The following SHOX variants were observed in gnomAD, a reference collection of about 807,000 sequenced individuals.
SHOX encodes short stature homeobox protein.
SHOX carries 12 observed loss-of-function variants against 29.6 expected under a neutral mutation model. That is an observed-to-expected ratio of 0.41 (90% CI 0.26 to 0.66). The LOEUF (loss-of-function observed/expected upper bound fraction) is 0.66, where lower values mean the gene tolerates loss of function less well. SHOX is among the 30% of genes least tolerant of loss of function. The pLI, the probability that SHOX is intolerant of heterozygous loss-of-function variation, is 0.35. For missense variants in SHOX, 499 were observed against 437.7 expected (o/e 1.14, Z -1.25); for synonymous variants, 214 against 200.6 (o/e 1.07, Z -0.57).
upstream of SHOX, among the ~76,000 whole-genome samples, chrX:625,870 GTC>G (rs1216618720): frequency 1.9e-4 from 21 of 110,096 alleles, no homozygotes; most frequent in African/African-American, 6.7e-4. Flanking sequence ...GTCTATCTCT[GTC>G]TCTCTTTCTC....
At chrX:643,677 GC>G (rs1569495084) in intron 4 of SHOX, among the ~76,000 whole-genome samples, 8 of 118,140 alleles carry the variant, frequency 6.8e-5, no homozygotes, top group South Asian at 3.0e-4. Flanking sequence ...TCGGGAGAGA[GC>G]CTTGGGGACC....
chrX:637,974 G>A (rs1172665303), intron 2 of SHOX, among the ~76,000 whole-genome samples: 2 of 152,206 alleles, frequency 1.3e-5, no homozygotes, highest in Non-Finnish European at 2.9e-5. Context: ...ACGGTGAGGG[G>A]CAGGCGGTAA....
chrX:656,925 CAAA>C (rs57866699), intron 5 of SHOX, among the ~76,000 whole-genome samples: 27 of 5,258 alleles, frequency 5.1e-3, no homozygotes, highest in Non-Finnish European at 7.0e-3. Flanking sequence ...GACTCCGTCT[CAAA>C]AAAAAAAAAA....
At chrX:631,301 CG>C (rs1198164202) in intron 1 of SHOX, 127 bp downstream of exon 1, 1 of 1,244,738 alleles carries the variant, frequency 8.0e-7, no homozygotes, top group African/African-American at 1.5e-5. Flanking sequence ...GGGTAAGGCC[CG>C]GGCCGTCAGG....
rs1041655715 is a variant in SHOX, at chrX:650,792, TAAAAAAA to T, written c.*6177_*6183del. On this transcript the variant is annotated 3_prime_UTR_variant, in exon 5 of 5. Coordinates refer to ENST00000686671, the MANE Select transcript of SHOX (RefSeq NM_000451.4). ...GGCTTTCGGTGGACACGTTTGACAT[TAAAAAAA>T]AAAAAAAAAAAAAAAAAAAACTGGT... Among the ~76,000 whole-genome samples the T allele has an allele frequency of 3.1e-4, 16 of 50,826 alleles. No homozygotes were observed. Among genetic ancestry groups the T allele is most frequent in the African/African-American group, 8.1e-4 (12 of 14,758 alleles). The allele number at this position is 50,826 out of a possible 152,430, so 33.3% of individuals were successfully genotyped here.
chrX:643,807 G>C (rs1350917084), intron 4 of SHOX, among the ~76,000 whole-genome samples: 1 of 129,428 alleles, frequency 7.7e-6, no homozygotes, highest in Non-Finnish European at 1.6e-5. Flanking sequence ...CTGGTGTCTC[G>C]GGAGAGAGCC....
intron 2 of SHOX, 132 bp downstream of exon 2, chrX:634,958 G>C: frequency 2.1e-6 from 2 of 946,590 alleles, no homozygotes; most frequent in Non-Finnish European, 3.1e-6. Flanking sequence ...GTTGGGTGAG[G>C]GACGGGCTGG....
chrX:628,227 TTCTCTCTCTCCATCTCCCA>T (rs2052575545), upstream of SHOX, among the ~76,000 whole-genome samples: 23 of 148,096 alleles, frequency 1.6e-4, no homozygotes, highest in South Asian at 4.4e-4. Flanking sequence ...GTGTCGCTCT[TTCTCTCTCTCCATCTCCCA>T]GTCTCTCCCT....
In SHOX at chrX:649,057, C is replaced by T. The variant is rs1461506524; in HGVS notation, c.*4421C>T. On this transcript the variant is annotated 3_prime_UTR_variant, in exon 5 of 5. Coordinates refer to ENST00000686671, the MANE Select transcript of SHOX (RefSeq NM_000451.4). Reference sequence around the variant, plus strand: ...TCTTTTTCTTTCTTCTTTCTTTCTTCGATGAAGTCTCACTCTGTCACCCAG... The same window carrying T: ...TCTTTTTCTTTCTTCTTTCTTTCTTTGATGAAGTCTCACTCTGTCACCCAG... Among the ~76,000 whole-genome samples the T allele has an allele frequency of 2.1e-5, 3 of 145,230 alleles. No homozygotes were observed. Among genetic ancestry groups the T allele is most frequent in the South Asian group, 2.2e-4 (1 of 4,572 alleles).
chrX:651,099 G>C lies in SHOX; in HGVS notation c.*6463G>C. 6.2e-6 allele frequency: 2 copies of C among 320,638 alleles called. No individual in the cohort carries two copies. The highest frequency in any genetic ancestry group is 1.2e-5 in the Non-Finnish European group (2 of 167,486). 19.9% of individuals were successfully genotyped at this position (320,638 alleles called of 1,614,324 possible). On this transcript the variant is annotated 3_prime_UTR_variant, in exon 5 of 5. Transcript: ENST00000686671. ...CTTACTTTGTGATGTATGTGCATTT[G>C]TTATTTATTTTTTTTTCCTTGGTCG...
chrX:633,856 A>G (rs998400929), intron 1 of SHOX, among the ~76,000 whole-genome samples: 3 of 152,140 alleles, frequency 2.0e-5, no homozygotes, highest in African/African-American at 4.8e-5. Context: ...AAAATGAGGA[A>G]GAAAAGGTTT....
chrX:627,054 T>G (rs1175382234), upstream of SHOX, among the ~76,000 whole-genome samples: 2 of 89,056 alleles, frequency 2.2e-5, no homozygotes, highest in African/African-American at 5.2e-5. Context: ...ACTCTTTCCC[T>G]CTCTCCTCTC....
chrX:644,864 C>T lies in SHOX; in HGVS notation c.*228C>T. The T allele has an allele frequency of 3.6e-6, 2 of 562,912 alleles. No homozygotes were observed. Among genetic ancestry groups the T allele is most frequent in the Non-Finnish European group, 5.6e-6 (2 of 356,126 alleles). The allele number at this position is 562,912 out of a possible 1,614,324, so 34.9% of individuals were successfully genotyped here. ...GCAGAAGGCGGAGCGGGTGAGCGGC[C>T]GTGCGTCCAGCCCGGGCCTCTCCAA... On this transcript the variant is annotated 3_prime_UTR_variant, in exon 5 of 5. Coordinates refer to ENST00000686671, the MANE Select transcript of SHOX (RefSeq NM_000451.4).
upstream of SHOX, among the ~76,000 whole-genome samples, chrX:626,240 TTCTCTC>T (rs1348082284): frequency 6.9e-6 from 1 of 144,238 alleles, no homozygotes; most frequent in African/African-American, 2.6e-5. Context: ...CTGTCTCTCT[TTCTCTC>T]TCTCCTCTCT....
rs762112942 is a variant in SHOX, at chrX:635,305, A to T, written c.486+479A>T. 5.6e-4 allele frequency among the ~76,000 whole-genome samples: 79 copies of T among 142,248 alleles called. 1 individual carries two copies. In the South Asian group the frequency reaches 6.9e-3, roughly 12 times the overall value. The allele number at this position is 142,248 out of a possible 152,430, so 93.3% of individuals were successfully genotyped here. A position where few individuals can be genotyped will look rare whatever the true frequency, so the allele number is the denominator to read the frequency against. The stretch of plus-strand genomic sequence containing the variant: ...GAGTGTTTTACAAGATTTTTCATTT[A>T]AAAAAAAATGTGTCTTTTGGCCCCT... On this transcript the variant is annotated intron_variant, in intron 2 of 4. Coordinates refer to ENST00000686671, the MANE Select transcript of SHOX (RefSeq NM_000451.4).
chrX:634,854 G>T lies in SHOX; in HGVS notation c.486+28G>T, dbSNP rs1359253591. 16 of 1,545,442 alleles carry T rather than the reference G, an allele frequency of 1.0e-5. 1 individual carries two copies. The highest frequency in any genetic ancestry group is 2.1e-4 in the Middle Eastern group (1 of 4,700). On this transcript the variant is annotated intron_variant, in intron 2 of 4. Transcript: ENST00000686671. Reference sequence around the variant, plus strand: ...AGGAACCCGGGGGCGGGGGCGGGGGGCCCGGAGCCATCGCCTGGTCCTCGG... The same window carrying T: ...AGGAACCCGGGGGCGGGGGCGGGGGTCCCGGAGCCATCGCCTGGTCCTCGG...
rs2052932805 is a variant in SHOX at position 644,708 on chromosome X, C to T, written c.*72C>T. ...CCCCGCCTGCACCGCGCGTCCTGCA[C>T]TCAACCCCGCCTGGAGCTCCTTCCG... On this transcript the variant is annotated 3_prime_UTR_variant, in exon 5 of 5. Transcript: ENST00000686671. 1.5e-6 allele frequency: 2 copies of T among 1,352,484 alleles called. No individual in the cohort carries two copies. The highest frequency in any genetic ancestry group is 1.9e-6 in the Non-Finnish European group (2 of 1,060,612). 83.8% of individuals were successfully genotyped at this position (1,352,484 alleles called of 1,614,324 possible). A position where few individuals can be genotyped will look rare whatever the true frequency, so the allele number is the denominator to read the frequency against.
intron 1 of SHOX, among the ~76,000 whole-genome samples, chrX:624,769 GT>G (rs1415753543): frequency 3.3e-5 from 2 of 59,770 alleles, no homozygotes; most frequent in African/African-American, 1.7e-4. Context: ...GGCAAGATTG[GT>G]TTTGGAGCTT....
In SHOX at chrX:644,615, C is replaced by T. The variant is rs946928975; in HGVS notation, c.858C>T (p.His286=). 1.3e-5 allele frequency: 19 copies of T among 1,506,728 alleles called. No individual in the cohort carries two copies. The African/African-American group carries it at 1.6e-4, about 13-fold the overall frequency. 93.3% of individuals were successfully genotyped at this position (1,506,728 alleles called of 1,614,324 possible). Residue 286 remains histidine (H), a synonymous_variant, in exon 5 of 5, where the codon CAC becomes CAT. Transcript: ENST00000686671. Reference sequence around the variant, plus strand: ...ACCTGCGGCTCAAGGCGCGGAAGCACGCGGAGGCCCTGGGGCTCTGACCCG... The same window carrying T: ...ACCTGCGGCTCAAGGCGCGGAAGCATGCGGAGGCCCTGGGGCTCTGACCCG... ...IADLRLKARK[H]AEALGL
Sources: allele counts gnomAD v4.1 joint callset (sites outside exome capture counted in the v4.1 genomes callset), GRCh38; gene constraint gnomAD v4.1.1; transcripts MANE v1.5; gene names NCBI Gene and HGNC (gene_info 2026-07-23, HGNC 2026-07-21).